Variants in WWTR1 observed in about 807,000 individuals in gnomAD.
WWTR1 encodes the protein WW domain containing transcription regulator 1.
In WWTR1, 13 loss-of-function variants were observed where a neutral mutation model predicts 40.1. The ratio of observed to expected loss-of-function variants is 0.32; its 90% CI spans 0.21 to 0.52. The LOEUF is 0.52. Ranked by LOEUF, WWTR1 falls within the 20% of genes least tolerant of loss-of-function variation. The probability of loss-of-function intolerance (pLI) is 0.97; values close to 1 mark genes in which losing one functional copy is unlikely to be tolerated. For missense variants in WWTR1, 436 were observed against 523.1 expected, an observed-to-expected ratio of 0.83 and a Z score of 1.63; for synonymous variants, 230 against 210.1, an observed-to-expected ratio of 1.09 and a Z score of -0.82.
chr3:149,531,374 C>G (rs967100038), intron 4 of WWTR1, among the ~76,000 whole-genome samples: 1 of 152,176 alleles, frequency 6.6e-6, no homozygotes, highest in Non-Finnish European at 1.5e-5. Flanking sequence ...GTGAAGCTCA[C>G]GTGACCCCCT....
Position 149,549,117 on chromosome 3 carries a change from G to A in WWTR1, c.569-6580C>T, listed in dbSNP as rs572158777. Among the ~76,000 whole-genome samples the A allele has an allele frequency of 2.0e-5, 3 of 152,336 alleles. No individual in the cohort carries two copies. In the South Asian group the frequency reaches 6.2e-4, roughly 32 times the overall value. On this transcript the variant is annotated intron_variant, in intron 3 of 6. Coordinates refer to ENST00000360632, the MANE Select transcript of WWTR1 (RefSeq NM_015472.6). ...TACAGAGGAATTCAAAATCATTTAT[G>A]TAGACACACCATGCTCAAAGGCCGG...
At chr3:149,633,161 G>A (rs1156594551) in intron 2 of WWTR1, among the ~76,000 whole-genome samples, 1 of 152,172 alleles carries the variant, frequency 6.6e-6, no homozygotes, top group Non-Finnish European at 1.5e-5. Flanking sequence ...GGCTGAGGTG[G>A]GACCATGGCT....
chr3:149,652,747 C>T (rs982640555), intron 2 of WWTR1, among the ~76,000 whole-genome samples: 1 of 138,134 alleles, frequency 7.2e-6, no homozygotes, highest in African/African-American at 2.7e-5. Context: ...AAAAAGAAAA[C>T]TAGCTTAAAG....
intron 5 of WWTR1, among the ~76,000 whole-genome samples, chr3:149,710,527 G>A (rs1715447284): frequency 7.1e-6 from 1 of 141,388 alleles, no homozygotes; most frequent in Non-Finnish European, 1.5e-5. Context: ...TAGATAAATT[G>A]ATACCTACAA....
At chr3:149,602,885 C>G in intron 2 of WWTR1, among the ~76,000 whole-genome samples, 1 of 152,082 alleles carries the variant, frequency 6.6e-6, no homozygotes, top group East Asian at 1.9e-4. Context: ...GTCTCGAACT[C>G]CTGACCTCAA....
At chr3:149,599,384 A>G (rs1739143866) in intron 2 of WWTR1, among the ~76,000 whole-genome samples, 1 of 152,268 alleles carries the variant, frequency 6.6e-6, no homozygotes, top group African/African-American at 2.4e-5. Flanking sequence ...GGCTGTGTCC[A>G]GGAAATCCCG....
intron 3 of WWTR1, among the ~76,000 whole-genome samples, chr3:149,555,833 T>G (rs535096318): frequency 2.0e-5 from 3 of 152,344 alleles, no homozygotes; most frequent in African/African-American, 7.2e-5. Context: ...GATTATCGTC[T>G]AACGAAAAGA....
chr3:149,709,891 C>T (rs763956825), intron 5 of WWTR1, among the ~76,000 whole-genome samples: 10 of 151,914 alleles, frequency 6.6e-5, no homozygotes, highest in East Asian at 1.9e-4. Flanking sequence ...GCAACAAGAG[C>T]GAAACTCTAT....
At chr3:149,607,114 C>T (rs1036263931) in intron 2 of WWTR1, among the ~76,000 whole-genome samples, 8 of 152,102 alleles carry the variant, frequency 5.3e-5, no homozygotes, top group African/African-American at 1.9e-4. Flanking sequence ...CAAGGCAAAG[C>T]CATGACGCAG....
chr3:149,567,289 TTGTC>T (rs1339479109), intron 3 of WWTR1, among the ~76,000 whole-genome samples: 2 of 152,318 alleles, frequency 1.3e-5, no homozygotes, highest in East Asian at 3.9e-4. Flanking sequence ...TTTTCAGTAT[TTGTC>T]TGCTGAGGAA....
rs563070490 is a variant in WWTR1, at chr3:149,692,782, G to A, written c.-108+10342C>T. 2.9e-3 allele frequency among the ~76,000 whole-genome samples: 435 copies of A among 152,096 alleles called. 1 individual carries two copies. Among genetic ancestry groups the A allele is most frequent in the African/African-American group, 9.9e-3 (409 of 41,462 alleles). On this transcript the variant is annotated intron_variant, in intron 1 of 7. Transcript: ENST00000465804. The stretch of plus-strand genomic sequence containing the variant: ...CCAAGTAGCTGGGATTACAGGTGCC[G>A]GCCACTGCACACAGCTAATTTTTGT...
chr3:149,678,167 C>T (rs1463432873), intron 1 of WWTR1, among the ~76,000 whole-genome samples: 1 of 152,174 alleles, frequency 6.6e-6, no homozygotes, highest in Non-Finnish European at 1.5e-5. Flanking sequence ...GATTTCTAAT[C>T]TAGTCTAACT....
At chr3:149,580,110 CGTT>C (rs1479121966) in intron 2 of WWTR1, among the ~76,000 whole-genome samples, 1 of 152,206 alleles carries the variant, frequency 6.6e-6, no homozygotes, top group South Asian at 2.1e-4. Flanking sequence ...TTTACTTTCT[CGTT>C]GTATGTTGGG....
chr3:149,647,368 G>A (rs1288383915), intron 2 of WWTR1, among the ~76,000 whole-genome samples: 1 of 152,210 alleles, frequency 6.6e-6, no homozygotes, highest in African/African-American at 2.4e-5. Context: ...GCGTTCCTGA[G>A]AGGGAGGCCA....
intron 2 of WWTR1, among the ~76,000 whole-genome samples, chr3:149,621,092 A>T (rs905908944): frequency 1.3e-5 from 2 of 152,224 alleles, no homozygotes; most frequent in Non-Finnish European, 2.9e-5. Flanking sequence ...TGAAAATGTC[A>T]CAGAATAACA....
chr3:149,645,886 C>A (rs1388791921), intron 2 of WWTR1, among the ~76,000 whole-genome samples: 1 of 152,046 alleles, frequency 6.6e-6, no homozygotes, highest in Non-Finnish European at 1.5e-5. Context: ...TGCTTACCAG[C>A]AGACTAGTCA....
At chr3:149,680,119 G>A (rs1714406027) in intron 1 of WWTR1, among the ~76,000 whole-genome samples, 1 of 152,194 alleles carries the variant, frequency 6.6e-6, no homozygotes. Flanking sequence ...AGGTACTTTT[G>A]AGAATGAAGG....
intron 1 of WWTR1, among the ~76,000 whole-genome samples, chr3:149,701,208 G>A (rs1715161021): frequency 1.3e-5 from 2 of 151,886 alleles, no homozygotes; most frequent in African/African-American, 4.8e-5. Flanking sequence ...TTTGGGAAAC[G>A]ATGATTCTTA....
At chr3:149,583,698 G>A (rs1300360269) in intron 2 of WWTR1, among the ~76,000 whole-genome samples, 4 of 152,196 alleles carry the variant, frequency 2.6e-5, no homozygotes, top group African/African-American at 4.8e-5. Flanking sequence ...ACCCAAATAT[G>A]TATGTCGGGA....
Sources: allele counts gnomAD v4.1 joint callset (sites outside exome capture counted in the v4.1 genomes callset), GRCh38; gene constraint gnomAD v4.1.1; transcripts MANE v1.5; gene names NCBI Gene and HGNC (gene_info 2026-07-23, HGNC 2026-07-21).